ERI1: variants seen among roughly 807,000 people sequenced by gnomAD.
The protein encoded by ERI1 is exoribonuclease 1.
Under a neutral mutation model 39.7 loss-of-function variants are expected in ERI1, and 39 were observed. The ratio of observed to expected loss-of-function variants is 0.98; its 90% CI spans 0.76 to 1.28. The LOEUF (loss-of-function observed/expected upper bound fraction) is 1.28, where lower values mean the gene tolerates loss of function less well. ERI1 is among the 50% of genes most tolerant of loss of function. The probability of loss-of-function intolerance (pLI) is 0.00; values close to 1 mark genes in which losing one functional copy is unlikely to be tolerated. For missense variants in ERI1, 581 were observed against 416.9 expected, an observed-to-expected ratio of 1.39 and a Z score of -3.43; for synonymous variants, 204 against 149.6, an observed-to-expected ratio of 1.36 and a Z score of -2.65.
chr8:9,010,841 A>C (rs1396709220), intron 2 of ERI1, among the ~76,000 whole-genome samples: 1 of 152,180 alleles, frequency 6.6e-6, no homozygotes, highest in African/African-American at 2.4e-5. Flanking sequence ...TGGAATGTAT[A>C]TTTTAAAGCT....
intron 6 of ERI1, among the ~76,000 whole-genome samples, chr8:9,024,016 G>A (rs929163874): frequency 6.6e-6 from 1 of 151,872 alleles, no homozygotes; most frequent in Non-Finnish European, 1.5e-5. Flanking sequence ...TAGCCAGGCT[G>A]GTCTTGAAGT....
At chr8:9,039,664 T>G (rs778721175) in intron 3 of ERI1, among the ~76,000 whole-genome samples, 2 of 152,234 alleles carry the variant, frequency 1.3e-5, no homozygotes, top group Non-Finnish European at 2.9e-5. Context: ...ATTTGGCTTT[T>G]GGCAGAATTA....
intron 3 of ERI1, among the ~76,000 whole-genome samples, chr8:9,076,875 G>T (rs1411405841): frequency 1.3e-5 from 2 of 152,362 alleles, no homozygotes; most frequent in South Asian, 4.1e-4. Context: ...CTTTGAAGGA[G>T]CTCTCTGGGG....
At chr8:9,051,286 T>A (rs1432464088) in intron 3 of ERI1, among the ~76,000 whole-genome samples, 1 of 151,596 alleles carries the variant, frequency 6.6e-6, no homozygotes, top group Non-Finnish European at 1.5e-5. Context: ...CTCTGTGGAG[T>A]CCTGAGGTGG....
chr8:9,043,178 C>G (rs1459895386), intron 3 of ERI1, among the ~76,000 whole-genome samples: 1 of 152,192 alleles, frequency 6.6e-6, no homozygotes, highest in Non-Finnish European at 1.5e-5. Context: ...ATAATTGATG[C>G]AAACCATTTC....
chr8:9,070,651 C>T (rs541264428), intron 3 of ERI1, among the ~76,000 whole-genome samples: 1 of 152,346 alleles, frequency 6.6e-6, no homozygotes, highest in East Asian at 1.9e-4. Flanking sequence ...GGAGTCATTG[C>T]TCATAAGGTT....
chr8:9,025,700 TTTTGTGTGTG>T (rs957420044), intron 6 of ERI1, among the ~76,000 whole-genome samples: 1,323 of 81,624 alleles, frequency 0.016, 8 homozygotes, highest in Middle Eastern at 0.037. Flanking sequence ...AATCTTTTTT[TTTTGTGTGTG>T]TGTGTGTGTG....
intron 3 of ERI1, among the ~76,000 whole-genome samples, chr8:9,055,609 G>A (rs937757797): frequency 3.3e-5 from 5 of 152,026 alleles, no homozygotes; most frequent in East Asian, 1.9e-4. Context: ...GTGCGATCTC[G>A]GCTCACTGCA....
At chr8:9,073,891 C>T (rs932463936) in intron 3 of ERI1, among the ~76,000 whole-genome samples, 21 of 151,966 alleles carry the variant, frequency 1.4e-4, no homozygotes, top group Non-Finnish European at 1.2e-4. Context: ...TATAAAATAC[C>T]TTATAAAAGA....
intron 3 of ERI1, among the ~76,000 whole-genome samples, chr8:9,070,664 A>G (rs1279892595): frequency 2.0e-5 from 3 of 152,228 alleles, no homozygotes; most frequent in Admixed American, 6.5e-5. Context: ...ATAAGGTTCA[A>G]TTAGTCCACT....
intron 1 of ERI1, among the ~76,000 whole-genome samples, chr8:9,003,463 G>C (rs568981008): frequency 1.3e-5 from 2 of 152,288 alleles, no homozygotes; most frequent in African/African-American, 4.8e-5. Context: ...CTGTGTTCAC[G>C]GTTGCTGTTG....
At chr8:9,044,996 G>C (rs1016060594) in intron 3 of ERI1, among the ~76,000 whole-genome samples, 1 of 152,106 alleles carries the variant, frequency 6.6e-6, no homozygotes, top group Non-Finnish European at 1.5e-5. Context: ...CCAGCACTTT[G>C]GGAGGCCGAG....
chr8:9,093,178 G>A (rs190643252), intron 3 of ERI1, among the ~76,000 whole-genome samples: 40 of 152,272 alleles, frequency 2.6e-4, no homozygotes, highest in Admixed American at 5.2e-4. Flanking sequence ...ACTTCCCTGG[G>A]CCACATTGGA....
chr8:9,063,427 A>T (rs574049736), intron 3 of ERI1, among the ~76,000 whole-genome samples: 4 of 152,256 alleles, frequency 2.6e-5, no homozygotes, highest in Admixed American at 6.5e-5. Context: ...ATGAAACTGT[A>T]AGCCAGACCG....
At chr8:9,082,178 G>C (rs1365209632) in intron 3 of ERI1, among the ~76,000 whole-genome samples, 1 of 152,210 alleles carries the variant, frequency 6.6e-6, no homozygotes, top group African/African-American at 2.4e-5. Context: ...TATGAGCCTG[G>C]TTTAGAGGGG....
chr8:9,012,266 AATGAC>A (rs1366284110), intron 3 of ERI1, among the ~76,000 whole-genome samples: 8 of 152,316 alleles, frequency 5.3e-5, no homozygotes, highest in African/African-American at 1.9e-4. Context: ...TTAAGGGTGA[AATGAC>A]TCATATAACC....
chr8:9,019,284 A>T (rs1054061425), intron 5 of ERI1, among the ~76,000 whole-genome samples: 9 of 152,226 alleles, frequency 5.9e-5, no homozygotes, highest in Admixed American at 5.9e-4. Flanking sequence ...GTTATCCTCT[A>T]TACCTGAGAT....
intron 3 of ERI1, among the ~76,000 whole-genome samples, chr8:9,089,130 C>T (rs547913096): frequency 1.3e-5 from 2 of 152,312 alleles, no homozygotes; most frequent in South Asian, 2.1e-4. Context: ...ACATGGTTCC[C>T]GCTTCACTCT....
At chr8:9,063,429 G>A (rs1179155826) in intron 3 of ERI1, among the ~76,000 whole-genome samples, 1 of 152,162 alleles carries the variant, frequency 6.6e-6, no homozygotes, top group Admixed American at 6.6e-5. Flanking sequence ...GAAACTGTAA[G>A]CCAGACCGGG....
Sources: allele counts gnomAD v4.1 joint callset (sites outside exome capture counted in the v4.1 genomes callset), GRCh38; gene constraint gnomAD v4.1.1; transcripts MANE v1.5; gene names NCBI Gene and HGNC (gene_info 2026-07-23, HGNC 2026-07-21).